Variants in SLC35F3 observed in about 807,000 individuals in gnomAD.
SLC35F3 encodes solute carrier family 35 member F3, also known as putative thiamine transporter SLC35F3.
A neutral mutation model predicts 49.9 loss-of-function variants in SLC35F3; 25 were observed. The observed-to-expected ratio is 0.50, with a 90% CI of 0.37 to 0.70. The LOEUF is 0.70. SLC35F3 is among the 30% of genes least tolerant of loss of function. SLC35F3 has a pLI of 0.00. For missense variants in SLC35F3, 525 were observed against 639.8 expected, an observed-to-expected ratio of 0.82 and a Z score of 1.94; for synonymous variants, 275 against 265.4, an observed-to-expected ratio of 1.04 and a Z score of -0.35.
rs1321720887 is a variant in SLC35F3 at position 234,231,447 on chromosome 1, CGGCGGAGGCCCAGGCACCGGCCGG to C, written c.317_340del (p.Ala106_Gly113del). 1.1e-5 allele frequency: 17 copies of C among 1,603,334 alleles called. No individual in the cohort carries two copies. The highest frequency in any genetic ancestry group is 1.4e-5 in the Non-Finnish European group (16 of 1,175,052). ...GAGCGCCCCCGGGACTCCCCGGGCCCGGCGGAGGCCCAGGCACCGGCCGGGGTGGAGGCCGGCGGGAGAGCGAGT... is the reference window on the plus strand; with the variant it reads ...GAGCGCCCCCGGGACTCCCCGGGCCCGGTGGAGGCCGGCGGGAGAGCGAGT... On this transcript the variant is annotated inframe_deletion, in exon 3 of 8. Transcript: ENST00000366618. This position sits in a 1 kb window ranked among gnomAD's most constrained non-coding sequence, Gnocchi z 5.4.
At chr1:234,130,842 C>T (rs1033020446) in intron 2 of SLC35F3, among the ~76,000 whole-genome samples, 15 of 152,082 alleles carry the variant, frequency 9.9e-5, no homozygotes, top group African/African-American at 3.4e-4. Flanking sequence ...AATGGAAATG[C>T]ATGTATATGC....
At chr1:234,015,758 A>C (rs1449099409) in intron 2 of SLC35F3, among the ~76,000 whole-genome samples, 1 of 152,226 alleles carries the variant, frequency 6.6e-6, no homozygotes, top group East Asian at 1.9e-4. Flanking sequence ...TGATGTTTTG[A>C]ATTTGACTCC....
At chr1:234,233,047 T>C (rs1488979805) in intron 3 of SLC35F3, among the ~76,000 whole-genome samples, 1 of 152,210 alleles carries the variant, frequency 6.6e-6, no homozygotes, top group Non-Finnish European at 1.5e-5. Flanking sequence ...CAAAGAATTC[T>C]GATCCTCAGG....
intron 2 of SLC35F3, among the ~76,000 whole-genome samples, chr1:234,108,743 TATATAAAAG>T (rs1317131454): frequency 8.7e-6 from 1 of 114,778 alleles, no homozygotes; most frequent in Non-Finnish European, 1.7e-5. Flanking sequence ...ATATCTTTTA[TATATAAAAG>T]ATATATATAA....
intron 2 of SLC35F3, among the ~76,000 whole-genome samples, chr1:234,061,573 T>C (rs1664540970): frequency 1.3e-5 from 2 of 152,076 alleles, no homozygotes; most frequent in Non-Finnish European, 2.9e-5. Flanking sequence ...TCTTTTGGTT[T>C]GCCCATTATG....
At chr1:234,316,507 T>C (rs1244221049) in intron 4 of SLC35F3, 95 bp from the exon 5 acceptor site, 8 of 1,473,240 alleles carry the variant, frequency 5.4e-6, no homozygotes, top group Admixed American at 1.9e-5. Context: ...CTCACGTGGC[T>C]GAACCCCACG....
chr1:234,307,099 GA>G (rs886492742), intron 3 of SLC35F3, among the ~76,000 whole-genome samples: 4 of 152,174 alleles, frequency 2.6e-5, no homozygotes, highest in African/African-American at 9.7e-5. Flanking sequence ...GCCCCTGGGG[GA>G]ACAGACTGTT....
chr1:234,201,912 C>CAAAAA lies in SLC35F3; in HGVS notation c.284-29490_284-29486dup, dbSNP rs11361148. Reference sequence around the variant, plus strand: ...TGGGCTACAGAGCTAGACTTCTTCTCAAAAAAAAAAAAAAAAAAAGAAGGA... The same window carrying CAAAAA: ...TGGGCTACAGAGCTAGACTTCTTCTCAAAAAAAAAAAAAAAAAAAAAAAAGAAGGA... On this transcript the variant is annotated intron_variant, in intron 2 of 7. Transcript: ENST00000366618. 7.2e-5 allele frequency among the ~76,000 whole-genome samples: 8 copies of CAAAAA among 111,878 alleles called. 1 individual carries two copies. The highest frequency in any genetic ancestry group is 5.6e-5 in the Non-Finnish European group (3 of 53,814). 73.4% of individuals were successfully genotyped at this position (111,878 alleles called of 152,430 possible). A position where few individuals can be genotyped will look rare whatever the true frequency, so the allele number is the denominator to read the frequency against.
chr1:233,966,157 G>GA (rs1488415178), intron 2 of SLC35F3, among the ~76,000 whole-genome samples: 1 of 152,108 alleles, frequency 6.6e-6, no homozygotes, highest in East Asian at 1.9e-4. Context: ...GCAGCCAGCA[G>GA]AAAAAGCTTA....
intron 2 of SLC35F3, among the ~76,000 whole-genome samples, chr1:234,009,735 T>C (rs1261939995): frequency 6.6e-6 from 1 of 152,126 alleles, no homozygotes; most frequent in Non-Finnish European, 1.5e-5. Flanking sequence ...CTACAAAAAC[T>C]GTGATGCTTT....
chr1:233,985,015 G>T (rs1391448964), intron 2 of SLC35F3, among the ~76,000 whole-genome samples: 1 of 119,262 alleles, frequency 8.4e-6, no homozygotes, highest in Non-Finnish European at 1.8e-5. Flanking sequence ...TGCAGGGGTT[G>T]GGGGGGTGCC....
intron 2 of SLC35F3, among the ~76,000 whole-genome samples, chr1:234,156,147 A>G (rs1175472461): frequency 6.6e-6 from 1 of 152,236 alleles, no homozygotes; most frequent in Admixed American, 6.5e-5. Flanking sequence ...CAAGTTAACA[A>G]TGTCATGGAT....
chr1:233,945,896 G>A (rs1194801177), intron 2 of SLC35F3, among the ~76,000 whole-genome samples: 1 of 152,176 alleles, frequency 6.6e-6, no homozygotes, highest in African/African-American at 2.4e-5. Flanking sequence ...GTCTTTATTA[G>A]CACAGTGAGA....
At chr1:234,036,584 A>G (rs1459718047) in intron 2 of SLC35F3, among the ~76,000 whole-genome samples, 24 of 152,176 alleles carry the variant, frequency 1.6e-4, no homozygotes, top group Admixed American at 1.6e-3. Flanking sequence ...CCCCATCTTC[A>G]ATTTTGACAT....
intron 2 of SLC35F3, among the ~76,000 whole-genome samples, chr1:234,176,736 C>A (rs1438420482): frequency 6.6e-6 from 1 of 152,136 alleles, no homozygotes; most frequent in African/African-American, 2.4e-5. Context: ...CTGGGTTGTA[C>A]CCCAGACAGA....
intron 2 of SLC35F3, among the ~76,000 whole-genome samples, chr1:233,979,946 C>A (rs971648874): frequency 1.3e-5 from 2 of 152,186 alleles, no homozygotes; most frequent in Non-Finnish European, 2.9e-5. Context: ...TGGGTTTGGG[C>A]AACCTGAAAG....
chr1:234,104,114 G>A (rs1242838596), intron 2 of SLC35F3, among the ~76,000 whole-genome samples: 4 of 152,144 alleles, frequency 2.6e-5, no homozygotes, highest in African/African-American at 9.7e-5. Context: ...CCCATAATTG[G>A]CACCAGCATA....
intron 2 of SLC35F3, among the ~76,000 whole-genome samples, chr1:234,138,973 T>A (rs1665848859): frequency 6.6e-6 from 1 of 152,222 alleles, no homozygotes; most frequent in Non-Finnish European, 1.5e-5. Flanking sequence ...TGCTACTTGT[T>A]TCTTGAGGCT....
At chr1:234,007,242 A>T (rs1455340902) in intron 2 of SLC35F3, among the ~76,000 whole-genome samples, 1 of 152,212 alleles carries the variant, frequency 6.6e-6, no homozygotes, top group Non-Finnish European at 1.5e-5. Flanking sequence ...AAAGGAAAAC[A>T]TTGAGCAGGG....
Sources: gnomAD v4.1 joint callset for allele counts (sites outside exome capture counted in the v4.1 genomes callset) on GRCh38, gnomAD v4.1.1 for gene constraint, Gnocchi (gnomAD v3.1) non-coding constraint, MANE v1.5 for transcripts, NCBI Gene and HGNC (gene_info 2026-07-23, HGNC 2026-07-21) for gene names.